The following CEP120 variants were observed in gnomAD, a reference collection of about 807,000 sequenced individuals.
CEP120 encodes the protein centrosomal protein 120, also known as centrosomal protein of 120 kDa.
In CEP120, 113 loss-of-function variants were observed where a neutral mutation model predicts 126.5. The ratio of observed to expected loss-of-function variants is 0.89; its 90% confidence interval spans 0.77 to 1.04. The LOEUF (loss-of-function observed/expected upper bound fraction) is 1.04, where lower values mean the gene tolerates loss of function less well. Ranked by LOEUF, CEP120 falls within the 50% of genes least tolerant of loss-of-function variation. CEP120 has a pLI of 0.00. For synonymous variants in CEP120, 400 were observed against 394.3 expected (o/e 1.01, Z -0.17); for missense variants, 1,230 against 1,155.7 (o/e 1.06, Z -0.93).
At chr5:123,350,571 T>A (rs914889174) in intron 18 of CEP120, among the ~76,000 whole-genome samples, 18 of 152,146 alleles carry the variant, frequency 1.2e-4, no homozygotes, top group African/African-American at 4.3e-4. Context: ...GTCAATACAA[T>A]GAACAGCCAA....
Position 123,413,469 on chromosome 5 carries a change from C to T in CEP120, c.322-929G>A, listed in dbSNP as rs377022048. Among the ~76,000 whole-genome samples, 74 of 152,092 alleles carry T rather than the reference C, an allele frequency of 4.9e-4. 1 individual carries two copies. In the South Asian group the frequency reaches 7.0e-3, roughly 14 times the overall value. On this transcript the variant is annotated intron_variant, in intron 3 of 19. Transcript: ENST00000306467. ...GCATCCTAAATTATTTGAATATCCC[C>T]ACTAGACCAACCTCAGAAATTCTAG...
chr5:123,373,025 A>G (rs1335212808), intron 16 of CEP120, among the ~76,000 whole-genome samples: 2 of 152,132 alleles, frequency 1.3e-5, no homozygotes, highest in African/African-American at 4.8e-5. Context: ...TGTTTTTGGT[A>G]AAACTCAAAT....
At chr5:123,373,143 A>G (rs1163282729) in intron 16 of CEP120, among the ~76,000 whole-genome samples, 1 of 152,042 alleles carries the variant, frequency 6.6e-6, no homozygotes, top group Non-Finnish European at 1.5e-5. Context: ...AGCAGAGAGG[A>G]ACAAACACAT....
chr5:123,376,892 C>G (rs1771264863), intron 16 of CEP120, among the ~76,000 whole-genome samples: 1 of 152,036 alleles, frequency 6.6e-6, no homozygotes, highest in Non-Finnish European at 1.5e-5. Context: ...GAAGACAAGC[C>G]TGCAAAAGAG....
intron 17 of CEP120, among the ~76,000 whole-genome samples, chr5:123,365,251 T>G (rs143614428): frequency 3.3e-5 from 5 of 151,852 alleles, no homozygotes; most frequent in Admixed American, 3.3e-4. Flanking sequence ...CTAAAGTGAT[T>G]CAATTAAAAA....
At chr5:123,422,565 T>A in intron 1 of CEP120, 1 of 1,534,638 alleles carries the variant, frequency 6.5e-7, no homozygotes. Context: ...ACTTCTGGAA[T>A]CGCAGGAAGC....
chr5:123,379,587 A>G (rs929057452), intron 14 of CEP120, among the ~76,000 whole-genome samples: 2 of 152,042 alleles, frequency 1.3e-5, no homozygotes, highest in African/African-American at 4.8e-5. Flanking sequence ...ATTACCAATA[A>G]TGGATCACTT....
intron 6 of CEP120, among the ~76,000 whole-genome samples, chr5:123,391,798 T>C (rs1191518944): frequency 6.6e-6 from 1 of 152,142 alleles, no homozygotes; most frequent in East Asian, 1.9e-4. Flanking sequence ...AATAGTTTTG[T>C]TTTTTTCACC....
At chr5:123,411,193 G>C (rs1774033325) in intron 4 of CEP120, among the ~76,000 whole-genome samples, 1 of 152,212 alleles carries the variant, frequency 6.6e-6, no homozygotes, top group Admixed American at 6.5e-5. Flanking sequence ...ATTCTGGTAA[G>C]AATATGGAGC....
At chr5:123,406,805 G>C (rs1447674348) in intron 4 of CEP120, among the ~76,000 whole-genome samples, 2 of 152,036 alleles carry the variant, frequency 1.3e-5, no homozygotes, top group South Asian at 2.1e-4. Context: ...GAGAATAAAT[G>C]AAAGTAAAAT....
intron 11 of CEP120, among the ~76,000 whole-genome samples, chr5:123,384,035 G>A (rs773945062): frequency 7.2e-5 from 11 of 152,068 alleles, no homozygotes; most frequent in Non-Finnish European, 1.5e-4. Context: ...GAGTATCTAA[G>A]GTTCTCACTT....
upstream of CEP120, among the ~76,000 whole-genome samples, chr5:123,423,788 A>G (rs572785563): frequency 2.0e-5 from 3 of 152,230 alleles, no homozygotes; most frequent in Non-Finnish European, 4.4e-5. Flanking sequence ...TAAACTCTAA[A>G]GTCCCTAAAT....
intron 16 of CEP120, among the ~76,000 whole-genome samples, chr5:123,376,200 A>G (rs1012507473): frequency 9.9e-5 from 15 of 152,138 alleles, no homozygotes; most frequent in Non-Finnish European, 8.8e-5. Flanking sequence ...CTATGAGACC[A>G]TAAAATAAAA....
intron 4 of CEP120, among the ~76,000 whole-genome samples, chr5:123,407,648 A>G (rs944034717): frequency 1.3e-5 from 2 of 152,208 alleles, no homozygotes; most frequent in African/African-American, 4.8e-5. Context: ...AACACACACT[A>G]TCAGAAATGG....
chr5:123,394,042 G>A (rs1479216908), intron 5 of CEP120, among the ~76,000 whole-genome samples: 1 of 152,192 alleles, frequency 6.6e-6, no homozygotes, highest in Non-Finnish European at 1.5e-5. Flanking sequence ...ACTTTTCAGA[G>A]TTGCTAGTTT....
intron 18 of CEP120, among the ~76,000 whole-genome samples, chr5:123,356,257 A>G (rs1314140070): frequency 6.6e-6 from 1 of 152,016 alleles, no homozygotes; most frequent in African/African-American, 2.4e-5. Context: ...TTGACTTGGC[A>G]ATGCAGGCTC....
chr5:123,353,214 AT>A (rs1384650580), intron 18 of CEP120, among the ~76,000 whole-genome samples: 2 of 151,900 alleles, frequency 1.3e-5, no homozygotes, highest in African/African-American at 4.8e-5. Context: ...AAGTTCCATT[AT>A]TTTAAGAATG....
At chr5:123,423,733 A>C (rs1774877086), upstream of CEP120, 1 of 152,250 alleles carries the variant, frequency 6.6e-6, no homozygotes, top group Non-Finnish European at 1.5e-5. Context: ...CCCAGTGTCA[A>C]CACTGCTTAA....
Position 123,422,944 on chromosome 5 carries a change from G to T in CEP120, c.49+6C>A. 3 of 1,613,870 alleles carry T rather than the reference G, an allele frequency of 1.9e-6. No individual in the cohort carries two copies. The highest frequency in any genetic ancestry group is 1.6e-4 in the Middle Eastern group (1 of 6,062). On this transcript the variant is annotated splice_donor_region_variant and intron_variant, in intron 1 of 19. Coordinates refer to ENST00000306467, the MANE Select transcript of CEP120 (RefSeq NM_001375405.1). ...CAGTTGCAAAAGCAAGCCTCAGGCT[G>T]CTCACCTTCTAGGATGGACACGACG...
Sources: gnomAD v4.1 joint callset for allele counts (sites outside exome capture counted in the v4.1 genomes callset) on GRCh38, gnomAD v4.1.1 for gene constraint, MANE v1.5 for transcripts, NCBI Gene and HGNC (gene_info 2026-07-23, HGNC 2026-07-21) for gene names.